Variants in C1orf94 observed in about 807,000 individuals in gnomAD.
C1orf94 encodes uncharacterized protein C1orf94.
In C1orf94, 45 loss-of-function variants were observed where a neutral mutation model predicts 53.6. That is an observed-to-expected ratio of 0.84 (90% CI 0.66 to 1.08). C1orf94 has a LOEUF of 1.08. C1orf94 is among the 50% of genes least tolerant of loss of function. The pLI is 0.00. For synonymous variants in C1orf94, 304 were observed against 296.1 expected, an observed-to-expected ratio of 1.03 and a Z score of -0.27; for missense variants, 762 against 738.9, an observed-to-expected ratio of 1.03 and a Z score of -0.36.
chr1:34,188,982 T>G (rs1427495006), intron 1 of C1orf94, among the ~76,000 whole-genome samples: 2 of 152,156 alleles, frequency 1.3e-5, no homozygotes, highest in Non-Finnish European at 2.9e-5. Flanking sequence ...CTTCCCTGTT[T>G]TCTTTCCTTC....
upstream of C1orf94, among the ~76,000 whole-genome samples, chr1:34,174,051 G>A (rs1642185631): frequency 6.6e-6 from 1 of 152,246 alleles, no homozygotes; most frequent in Admixed American, 6.5e-5. Context: ...ATTCTGTCTA[G>A]GGTAGACATC....
intron 1 of C1orf94, among the ~76,000 whole-genome samples, chr1:34,181,503 T>C (rs1268229447): frequency 2.0e-5 from 3 of 152,226 alleles, no homozygotes; most frequent in Non-Finnish European, 1.5e-5. Flanking sequence ...AATTATTCAT[T>C]CAACAGATAT....
chr1:34,200,980 C>G lies in C1orf94; in HGVS notation c.1218C>G (p.Ser406Arg). 6.2e-7 allele frequency: 1 copy of G among 1,612,914 alleles called. No homozygotes were observed. The highest frequency in any genetic ancestry group is 8.5e-7 in the Non-Finnish European group (1 of 1,179,524). The change falls in exon 3 of 7, where the codon AGC becomes AGG. Residue 406 changes from serine to arginine, a missense_variant. By Grantham distance (110) the Ser-to-Arg change is moderately radical. Transcript: ENST00000488417. ...YEFLGATKNP[S>R]GQPRLRNKVE... is the part of the protein sequence containing the mutation. ...TCCTTGGGGCCACCAAGAACCCAAG[C>G]GGGCAGCCGAGACTTCGAAACAAAG...
At chr1:34,205,398 C>A (rs1277407371) in intron 4 of C1orf94, among the ~76,000 whole-genome samples, 1 of 152,162 alleles carries the variant, frequency 6.6e-6, no homozygotes, top group Non-Finnish European at 1.5e-5. Flanking sequence ...GATCAAGGGG[C>A]CTGAGATAAT....
chr1:34,187,149 T>C (rs1642396403), intron 1 of C1orf94, among the ~76,000 whole-genome samples: 2 of 152,192 alleles, frequency 1.3e-5, no homozygotes, highest in African/African-American at 4.8e-5. Flanking sequence ...CCAGGCTCTA[T>C]ATTTTCATTT....
chr1:34,197,566 G>C lies in C1orf94; in HGVS notation c.662G>C (p.Gly221Ala). ...GCCGCCGAGGTCAAGAGCAGCAAGG[G>C]GACAGAGGACAGGGGCCGCATCCTA... ...LCAAEVKSSK[G>A]TEDRGRILGD... is the part of the protein sequence containing the mutation. Residue 221 changes from glycine to alanine, a missense_variant, in exon 2 of 7, where the codon GGG becomes GCG. Physicochemically the swap from Gly to Ala is moderately conservative, Grantham distance 60. Coordinates refer to ENST00000488417, the MANE Select transcript of C1orf94 (RefSeq NM_001134734.2). The surrounding 1 kb of genome is among the most constrained non-coding windows in gnomAD (Gnocchi z 4.1). 1 of 1,614,144 alleles carries C rather than the reference G, an allele frequency of 6.2e-7. No homozygotes were observed. Among genetic ancestry groups the C allele is most frequent in the Non-Finnish European group, 8.5e-7 (1 of 1,180,016 alleles).
rs568352787 is a variant in C1orf94, at chr1:34,197,075, G to A, written c.321-150G>A. On this transcript the variant is annotated intron_variant, in intron 1 of 6. Transcript: ENST00000488417. The surrounding 1 kb of genome is among the most constrained non-coding windows in gnomAD (Gnocchi z 4.1). ...CGCTGTGGTATAGGACCCTCTGGGGGTCCAGTGTGTCTGCTGGGTTATCTT... is the reference window on the plus strand; with the variant it reads ...CGCTGTGGTATAGGACCCTCTGGGGATCCAGTGTGTCTGCTGGGTTATCTT... The A allele has an allele frequency of 4.3e-6, 3 of 702,382 alleles. No individual in the cohort carries two copies. The highest frequency in any genetic ancestry group is 4.0e-5 in the South Asian group (2 of 49,972). The allele number at this position is 702,382 out of a possible 1,614,324, so 43.5% of individuals were successfully genotyped here. A position where few individuals can be genotyped will look rare whatever the true frequency, so the allele number is the denominator to read the frequency against.
In C1orf94 at chr1:34,218,679, C is replaced by A; in HGVS notation, c.1722-7C>A. On this transcript the variant is annotated splice_polypyrimidine_tract_variant and splice_region_variant and intron_variant, in intron 6 of 6. Coordinates refer to ENST00000488417, the MANE Select transcript of C1orf94 (RefSeq NM_001134734.2). ...TCATCATGGCATCCACCCTCCCTCT[C>A]TTCCAGGTTCGGCTCGACATCCGGA... The A allele has an allele frequency of 6.2e-7, 1 of 1,611,502 alleles. No homozygotes were observed. Among genetic ancestry groups the A allele is most frequent in the Non-Finnish European group, 8.5e-7 (1 of 1,178,256 alleles).
chr1:34,184,960 G>A (rs2148613176), intron 1 of C1orf94, among the ~76,000 whole-genome samples: 1 of 152,220 alleles, frequency 6.6e-6, no homozygotes, highest in Non-Finnish European at 1.5e-5. Flanking sequence ...GATCTTTGGA[G>A]TCTAATCTCA....
In C1orf94 at chr1:34,197,539, G is replaced by A. The variant is rs1642610068; in HGVS notation, c.635G>A (p.Cys212Tyr). Reference protein sequence around the residue: ...SATSTVTDILCAAEVKSSKGT... With the variant: ...SATSTVTDILYAAEVKSSKGT... ...ACTTCTACTGTCACAGACATTCTGTGTGCCGCCGAGGTCAAGAGCAGCAAG... is the reference window on the plus strand; with the variant it reads ...ACTTCTACTGTCACAGACATTCTGTATGCCGCCGAGGTCAAGAGCAGCAAG... The change falls in exon 2 of 7, where the codon TGT (cysteine) becomes TAT (tyrosine). Residue 212 changes from cysteine (C) to tyrosine (Y), a missense_variant. Cys to Tyr is a radical substitution (Grantham distance 194, BLOSUM62 -2). Coordinates refer to ENST00000488417, the MANE Select transcript of C1orf94 (RefSeq NM_001134734.2). This position sits in a 1 kb window ranked among gnomAD's most constrained non-coding sequence, Gnocchi z 4.1. The A allele has an allele frequency of 1.2e-6, 2 of 1,614,044 alleles. No homozygotes were observed. Among genetic ancestry groups the A allele is most frequent in the South Asian group, 1.1e-5 (1 of 91,090 alleles).
intron 1 of C1orf94, among the ~76,000 whole-genome samples, chr1:34,188,775 T>A (rs1354092130): frequency 6.6e-6 from 1 of 152,190 alleles, no homozygotes; most frequent in Non-Finnish European, 1.5e-5. Flanking sequence ...AGCCCTAAGC[T>A]TAGTCCCCTG....
At chr1:34,206,768 C>T (rs1387468150) in intron 4 of C1orf94, among the ~76,000 whole-genome samples, 2 of 152,064 alleles carry the variant, frequency 1.3e-5, no homozygotes, top group East Asian at 1.9e-4. Flanking sequence ...TTGCAGGGAC[C>T]GGGCAGTGGT....
At chr1:34,200,662 G>C in intron 2 of C1orf94, 110 bp from the exon 3 acceptor site, 4 of 1,460,216 alleles carry the variant, frequency 2.7e-6, no homozygotes, top group Non-Finnish European at 3.7e-6. Flanking sequence ...AGTGGTCCAA[G>C]CCTCAGGTGT....
intron 6 of C1orf94, among the ~76,000 whole-genome samples, chr1:34,217,539 T>C (rs1415286534): frequency 6.6e-6 from 1 of 152,196 alleles, no homozygotes; most frequent in Non-Finnish European, 1.5e-5. Flanking sequence ...GGATTGCTTA[T>C]GAGGGACCCA....
At chr1:34,217,512 G>A (rs1250187609) in intron 6 of C1orf94, among the ~76,000 whole-genome samples, 1 of 152,198 alleles carries the variant, frequency 6.6e-6, no homozygotes, top group Non-Finnish European at 1.5e-5. Flanking sequence ...AAACAGAGGT[G>A]GGGTTACCGC....
intron 5 of C1orf94, among the ~76,000 whole-genome samples, chr1:34,210,568 C>A (rs1461911953): frequency 6.6e-6 from 1 of 152,214 alleles, no homozygotes; most frequent in Admixed American, 6.5e-5. Flanking sequence ...AATGGCCCTA[C>A]CTCACAGGGC....
chr1:34,195,118 A>G (rs149108218), intron 1 of C1orf94, among the ~76,000 whole-genome samples: 14 of 152,244 alleles, frequency 9.2e-5, no homozygotes, highest in Non-Finnish European at 1.8e-4. Context: ...CAGAAGAGAG[A>G]GTGGAGGGAA....
chr1:34,175,415 TTTC>T, upstream of C1orf94, among the ~76,000 whole-genome samples: 1 of 152,146 alleles, frequency 6.6e-6, no homozygotes, highest in East Asian at 1.9e-4. Flanking sequence ...ACTATTAATA[TTTC>T]ATCAGAAATG....
At chr1:34,196,018 T>C (rs1466416228) in intron 1 of C1orf94, among the ~76,000 whole-genome samples, 1 of 152,190 alleles carries the variant, frequency 6.6e-6, no homozygotes, top group Non-Finnish European at 1.5e-5. Context: ...CATCATCTTC[T>C]CCTTCAGCGC....
Sources: allele counts gnomAD v4.1 joint callset (sites outside exome capture counted in the v4.1 genomes callset), GRCh38; gene constraint gnomAD v4.1.1; non-coding constraint Gnocchi (gnomAD v3.1); transcripts MANE v1.5; gene names NCBI Gene and HGNC (gene_info 2026-07-23, HGNC 2026-07-21).